Variants in TRIM5 observed in about 807,000 individuals in gnomAD.
The protein encoded by TRIM5 is tripartite motif containing 5.
In TRIM5, 31 loss-of-function variants were observed where a neutral mutation model predicts 35.6. The observed-to-expected ratio is 0.87, with a 90% CI of 0.65 to 1.18. The LOEUF (loss-of-function observed/expected upper bound fraction) is 1.18, where lower values mean the gene tolerates loss of function less well. Among genes scored for constraint, TRIM5 ranks in the 50% most tolerant of loss-of-function variants. The pLI is 0.00. For missense variants in TRIM5, 609 were observed against 591.6 expected (o/e 1.03, Z -0.31); for synonymous variants, 243 against 215.6 (o/e 1.13, Z -1.11).
At chr11:5,634,679 C>T in the TRIM5 span, 2 of 1,614,016 alleles carry the variant, frequency 1.2e-6, no homozygotes. Flanking sequence ...ATTTGATCAG[C>T]TTAGAAGCAT....
At chr11:5,631,949 G>A in the TRIM5 span, among the ~76,000 whole-genome samples, 1 of 152,180 alleles carries the variant, frequency 6.6e-6, no homozygotes, top group African/African-American at 2.4e-5. Flanking sequence ...GTTTGTGGTT[G>A]TGCTGTACTT....
chr11:5,634,662 A>G, the TRIM5 span: 2 of 1,613,870 alleles, frequency 1.2e-6, no homozygotes, highest in South Asian at 1.1e-5. Flanking sequence ...CAAAGGATAC[A>G]AACAGAATTT....
intron 4 of TRIM5, among the ~76,000 whole-genome samples, chr11:5,674,631 A>G (rs1432595358): frequency 6.6e-6 from 1 of 152,252 alleles, no homozygotes; most frequent in Non-Finnish European, 1.5e-5. Context: ...CTCACAGCCT[A>G]GGCTCTAGAT....
Position 5,678,286 on chromosome 11 carries a change from A to T in TRIM5, c.662T>A (p.Met221Lys), listed in dbSNP as rs1300787063. Reference sequence around the variant, plus strand: ...TCTCAGGGACTGGGTCTGCTGCACCATCTCAGTTTCAGAGTTCGTAAGGCT... The same window carrying T: ...TCTCAGGGACTGGGTCTGCTGCACCTTCTCAGTTTCAGAGTTCGTAAGGCT... ...LKSLTNSETE[M>K]VQQTQSLREL... Residue 221 changes from methionine to lysine, a missense_variant, in exon 4 of 8, where the codon ATG becomes AAG. Transcript: ENST00000380034. 3 of 1,614,022 alleles carry T rather than the reference A, an allele frequency of 1.9e-6. No homozygotes were observed. Among genetic ancestry groups the T allele is most frequent in the African/African-American group, 2.7e-5 (2 of 74,916 alleles).
At chr11:5,648,850 T>C in the TRIM5 span, among the ~76,000 whole-genome samples, 7 of 152,254 alleles carry the variant, frequency 4.6e-5, no homozygotes, top group Admixed American at 3.3e-4. Flanking sequence ...AGTGTTTCTT[T>C]GATTTATTCA....
chr11:5,673,547 T>C (rs572393681), intron 4 of TRIM5, among the ~76,000 whole-genome samples: 53 of 152,258 alleles, frequency 3.5e-4, no homozygotes, highest in African/African-American at 9.9e-4. Context: ...ATAAAGGATA[T>C]AGAAGACTAA....
the TRIM5 span, among the ~76,000 whole-genome samples, chr11:5,656,589 G>A: frequency 6.6e-6 from 1 of 152,050 alleles, no homozygotes; most frequent in Non-Finnish European, 1.5e-5. Flanking sequence ...CCCAACCTTA[G>A]GTGATCCGCC....
At chr11:5,611,976 G>A in the TRIM5 span, 40 of 152,202 alleles carry the variant, frequency 2.6e-4, no homozygotes, top group African/African-American at 5.1e-4. Context: ...ATGAAAACTC[G>A]TATTCTACCT....
the TRIM5 span, among the ~76,000 whole-genome samples, chr11:5,647,934 CTG>C: frequency 6.6e-6 from 1 of 152,168 alleles, no homozygotes; most frequent in South Asian, 2.1e-4. Flanking sequence ...TCCACACACT[CTG>C]TGACTCTCCA....
At chr11:5,604,069 C>T in the TRIM5 span, among the ~76,000 whole-genome samples, 1 of 152,220 alleles carries the variant, frequency 6.6e-6, no homozygotes, top group East Asian at 1.9e-4. Context: ...GATCCCGGCT[C>T]ACTGCAACCT....
chr11:5,662,601 C>T (rs149908218), downstream of TRIM5, among the ~76,000 whole-genome samples: 3 of 152,254 alleles, frequency 2.0e-5, no homozygotes, highest in Admixed American at 1.3e-4. Context: ...AATTAGAGTA[C>T]TCAGAAATAC....
At chr11:5,649,432 A>G in the TRIM5 span, among the ~76,000 whole-genome samples, 2 of 152,170 alleles carry the variant, frequency 1.3e-5, no homozygotes, top group African/African-American at 4.8e-5. Context: ...ATCACAGGGC[A>G]CAATAATATT....
chr11:5,589,065 C>G, the TRIM5 span: 13 of 152,026 alleles, frequency 8.6e-5, no homozygotes, highest in African/African-American at 2.2e-4. Context: ...GATTTACAGA[C>G]GTGAGCCAGG....
the TRIM5 span, among the ~76,000 whole-genome samples, chr11:5,635,379 C>T: frequency 4.4e-3 from 673 of 151,934 alleles, 5 homozygotes; most frequent in African/African-American, 0.015. Flanking sequence ...CCCAGCATCC[C>T]GAGTAGCTGG....
At chr11:5,642,854 G>C in the TRIM5 span, 3 of 1,613,760 alleles carry the variant, frequency 1.9e-6, no homozygotes, top group South Asian at 1.1e-5. Context: ...GTAAGAAAAA[G>C]TTAGTCTTTA....
chr11:5,616,570 C>T, the TRIM5 span, among the ~76,000 whole-genome samples: 1 of 144,780 alleles, frequency 6.9e-6, no homozygotes, highest in African/African-American at 2.5e-5. Flanking sequence ...GAGACTCAGT[C>T]AGTTAGGGGA....
chr11:5,647,041 G>T, the TRIM5 span, among the ~76,000 whole-genome samples: 1 of 152,212 alleles, frequency 6.6e-6, no homozygotes, highest in Non-Finnish European at 1.5e-5. Context: ...TAGACAGTGA[G>T]GTTGCAGGAC....
chr11:5,683,644 T>G lies in TRIM5; in HGVS notation c.-62+1224A>C, dbSNP rs527950659. The stretch of plus-strand genomic sequence containing the variant: ...TGAATGCACCAATCGACACTCTGTA[T>G]CTAGCTACTCTGGTGGGGATGTGGA... On this transcript the variant is annotated intron_variant, in intron 1 of 7. Coordinates refer to ENST00000380034, the MANE Select transcript of TRIM5 (RefSeq NM_033034.3). Among the ~76,000 whole-genome samples the G allele has an allele frequency of 2.8e-3, 421 of 152,304 alleles. 1 individual carries two copies. The highest frequency in any genetic ancestry group is 4.7e-3 in the Non-Finnish European group (322 of 68,018).
chr11:5,596,757 G>A, the TRIM5 span: 584,009 of 1,291,750 alleles, frequency 0.45, 133,765 homozygotes, highest in Middle Eastern at 0.6. Flanking sequence ...GAGCAGAGTC[G>A]TGCGTGGTTG....
Sources: allele counts gnomAD v4.1 joint callset (sites outside exome capture counted in the v4.1 genomes callset), GRCh38; gene constraint gnomAD v4.1.1; transcripts MANE v1.5; gene names NCBI Gene and HGNC (gene_info 2026-07-23, HGNC 2026-07-21).